Variants in HS3ST3A1 observed in about 807,000 individuals in gnomAD.
The protein encoded by HS3ST3A1 is heparan sulfate glucosamine 3-O-sulfotransferase 3A1.
HS3ST3A1 carries 19 observed loss-of-function variants against 25.7 expected under a neutral mutation model. The ratio of observed to expected loss-of-function variants is 0.74; its 90% CI spans 0.52 to 1.08. The LOEUF (loss-of-function observed/expected upper bound fraction) is 1.08, where lower values mean the gene tolerates loss of function less well. HS3ST3A1 is among the 50% of genes least tolerant of loss of function. HS3ST3A1 has a pLI of 0.00. For synonymous variants in HS3ST3A1, 226 were observed against 278.6 expected (o/e 0.81, Z 1.88); for missense variants, 459 against 594.3 (o/e 0.77, Z 2.37).
At chr17:13,500,399 A>T (rs1005587356) in intron 1 of HS3ST3A1, among the ~76,000 whole-genome samples, 5 of 152,214 alleles carry the variant, frequency 3.3e-5, no homozygotes, top group African/African-American at 1.2e-4. Flanking sequence ...TTGTGTAAAA[A>T]CTGGGGCCCG....
Position 13,526,943 on chromosome 17 carries a change from G to A in HS3ST3A1, c.600-30125C>T, listed in dbSNP as rs34231568. On this transcript the variant is annotated intron_variant, in intron 1 of 1. Coordinates refer to ENST00000284110, the MANE Select transcript of HS3ST3A1 (RefSeq NM_006042.3). ...GCTGGGATTATAGGCGTGAGCCACC[G>A]CACCCGGCCCACAGTGGTGGTTTTC... 4.6e-3 allele frequency among the ~76,000 whole-genome samples: 698 copies of A among 152,198 alleles called. 4 individuals carry two copies. Among genetic ancestry groups the A allele is most frequent in the Non-Finnish European group, 6.7e-3 (453 of 68,014 alleles).
intron 1 of HS3ST3A1, among the ~76,000 whole-genome samples, chr17:13,578,393 C>CAAAAAAA (rs397960321): frequency 2.1e-5 from 2 of 94,936 alleles, no homozygotes; most frequent in African/African-American, 7.3e-5. Context: ...TACAAAAATA[C>CAAAAAAA]AAAAAAAAAA....
intron 1 of HS3ST3A1, among the ~76,000 whole-genome samples, chr17:13,578,304 T>C (rs1391750547): frequency 1.3e-5 from 2 of 151,318 alleles, no homozygotes; most frequent in Non-Finnish European, 2.9e-5. Context: ...TCTCAGAGCT[T>C]TGTGAGGCCG....
chr17:13,581,240 G>C (rs916382311), intron 1 of HS3ST3A1, among the ~76,000 whole-genome samples: 2 of 152,034 alleles, frequency 1.3e-5, no homozygotes, highest in African/African-American at 4.8e-5. Flanking sequence ...TCTGCAGTGG[G>C]TGGATCACCT....
rs1351022414 is a variant in HS3ST3A1 at position 13,520,866 on chromosome 17, C to T, written c.600-24048G>A. On this transcript the variant is annotated intron_variant, in intron 1 of 1. Transcript: ENST00000284110. ...ACCTCAAGTGATCTGCCCACCTCGACCTCCCAAAGTGGTGGGATCATTTAG... is the reference window on the plus strand; with the variant it reads ...ACCTCAAGTGATCTGCCCACCTCGATCTCCCAAAGTGGTGGGATCATTTAG... Among the ~76,000 whole-genome samples the T allele has an allele frequency of 2.6e-5, 4 of 152,176 alleles. No homozygotes were observed. In the East Asian group the frequency reaches 7.7e-4, roughly 29 times the overall value.
chr17:13,554,792 A>G (rs923232611), intron 1 of HS3ST3A1, among the ~76,000 whole-genome samples: 4 of 152,162 alleles, frequency 2.6e-5, no homozygotes, highest in Non-Finnish European at 4.4e-5. Flanking sequence ...CTGAGGATTT[A>G]ACAGATACCA....
chr17:13,600,654 C>G lies in HS3ST3A1; in HGVS notation c.476G>C (p.Gly159Ala). 1 of 1,593,820 alleles carries G rather than the reference C, an allele frequency of 6.3e-7. No homozygotes were observed. Among genetic ancestry groups the G allele is most frequent in the Non-Finnish European group, 8.5e-7 (1 of 1,175,838 alleles). The stretch of plus-strand genomic sequence containing the variant: ...CGCCCGCGTGCCGCCCTTCTTCACT[C>G]CGATGATGATGGCCTGCGGCAGCTG... ...SKQLPQAIII[G>A]VKKGGTRALL... Residue 159 changes from glycine to alanine, a missense_variant, in exon 1 of 2, where the codon GGA becomes GCA. By Grantham distance (60) the Gly-to-Ala change is moderately conservative. Coordinates refer to ENST00000284110, the MANE Select transcript of HS3ST3A1 (RefSeq NM_006042.3).
chr17:13,569,095 G>C (rs924602576), intron 1 of HS3ST3A1, among the ~76,000 whole-genome samples: 1 of 152,182 alleles, frequency 6.6e-6, no homozygotes, highest in African/African-American at 2.4e-5. Flanking sequence ...TTGGCTTTAT[G>C]TATAGGCATG....
intron 1 of HS3ST3A1, among the ~76,000 whole-genome samples, chr17:13,542,799 T>C (rs1906973167): frequency 1.3e-5 from 2 of 152,072 alleles, no homozygotes; most frequent in Admixed American, 1.3e-4. Flanking sequence ...AGGGGAATGT[T>C]GTAATTAGAG....
At chr17:13,597,218 A>G (rs976512493) in intron 1 of HS3ST3A1, among the ~76,000 whole-genome samples, 4 of 152,136 alleles carry the variant, frequency 2.6e-5, no homozygotes, top group African/African-American at 9.7e-5. Context: ...ATACATATGT[A>G]TGTGTATGTG....
chr17:13,554,781 C>T (rs1907327892), intron 1 of HS3ST3A1, among the ~76,000 whole-genome samples: 1 of 152,128 alleles, frequency 6.6e-6, no homozygotes, highest in African/African-American at 2.4e-5. Flanking sequence ...AGATGCCATC[C>T]CTGAGGATTT....
At position 13,520,683 on chromosome 17, in the gene HS3ST3A1, C is replaced by T. The variant is rs148991162; in HGVS notation, c.600-23865G>A. Among the ~76,000 whole-genome samples the T allele has an allele frequency of 2.5e-3, 375 of 151,630 alleles. 4 individuals are homozygous for T. Among genetic ancestry groups the T allele is most frequent in the African/African-American group, 8.5e-3 (352 of 41,318 alleles). On this transcript the variant is annotated intron_variant, in intron 1 of 1. Transcript: ENST00000284110. ...AGGCTGGAGTGCAATGGCACAATCT[C>T]GACTCACTGCAACCTCCACCTCCTG...
chr17:13,497,544 A>G (rs1905325251), intron 1 of HS3ST3A1, among the ~76,000 whole-genome samples: 1 of 152,234 alleles, frequency 6.6e-6, no homozygotes, highest in African/African-American at 2.4e-5. Context: ...TCCTCCTGAC[A>G]AATGAGATAT....
intron 1 of HS3ST3A1, among the ~76,000 whole-genome samples, chr17:13,592,465 C>T (rs971207479): frequency 6.6e-6 from 1 of 152,016 alleles, no homozygotes; most frequent in Non-Finnish European, 1.5e-5. Context: ...TTAAAAAAGG[C>T]TAAAACGCAT....
rs1393609115 is a variant in HS3ST3A1, at chr17:13,496,803, T to C, written c.615A>G (p.Arg205=). The change falls in exon 2 of 2, where the codon AGA becomes AGG. Residue 205 remains arginine, a synonymous_variant. Transcript: ENST00000284110. The stretch of plus-strand genomic sequence containing the variant: ...CCATGGTGATCTGCCCGTCCAGGGT[T>C]CTGGGCATCAGGTCCCTGAGAAACG... ...GLAWYRDLMP[R]TLDGQITMEK... is the part of the protein sequence containing the mutation. The C allele has an allele frequency of 1.6e-5, 25 of 1,611,536 alleles. No individual in the cohort carries two copies. Among genetic ancestry groups the C allele is most frequent in the Non-Finnish European group, 2.1e-5 (25 of 1,178,798 alleles).
chr17:13,593,294 A>G (rs2142394686), intron 1 of HS3ST3A1, among the ~76,000 whole-genome samples: 1 of 145,460 alleles, frequency 6.9e-6, no homozygotes, highest in African/African-American at 2.5e-5. Context: ...CCCTTATTTT[A>G]GTTTTTAGCT....
At chr17:13,572,315 A>G (rs1434202874) in intron 1 of HS3ST3A1, among the ~76,000 whole-genome samples, 1 of 152,204 alleles carries the variant, frequency 6.6e-6, no homozygotes, top group East Asian at 1.9e-4. Context: ...TCAAGTCATC[A>G]TATGGCAGGT....
At chr17:13,526,899 C>T (rs557183058) in intron 1 of HS3ST3A1, among the ~76,000 whole-genome samples, 18 of 152,180 alleles carry the variant, frequency 1.2e-4, no homozygotes, top group African/African-American at 1.9e-4. Context: ...GTGATCTACC[C>T]GCCTTGGCCT....
intron 1 of HS3ST3A1, among the ~76,000 whole-genome samples, chr17:13,538,248 G>A (rs545155077): frequency 3.3e-5 from 5 of 152,302 alleles, no homozygotes; most frequent in African/African-American, 1.2e-4. Flanking sequence ...TTTACAGATG[G>A]TTATTCTACT....
Sources: allele counts gnomAD v4.1 joint callset (sites outside exome capture counted in the v4.1 genomes callset), GRCh38; gene constraint gnomAD v4.1.1; transcripts MANE v1.5; gene names NCBI Gene and HGNC (gene_info 2026-07-23, HGNC 2026-07-21).